The following TTC27 variants were observed in gnomAD, a reference collection of about 807,000 sequenced individuals.
TTC27 encodes tetratricopeptide repeat domain 27.
Under a neutral mutation model 115.9 loss-of-function variants are expected in TTC27, and 79 were observed. The ratio of observed to expected loss-of-function variants is 0.68; its 90% CI spans 0.57 to 0.82. The LOEUF (loss-of-function observed/expected upper bound fraction) is 0.82, where lower values mean the gene tolerates loss of function less well. Among genes scored for constraint, TTC27 ranks in the 40% least tolerant of loss-of-function variants. TTC27 has a pLI of 0.00. For missense variants in TTC27, 1,054 were observed against 993.1 expected (o/e 1.06, Z -0.82); for synonymous variants, 401 against 356.0 (o/e 1.13, Z -1.42).
chr2:32,790,923 T>C (rs1670513644), intron 16 of TTC27, among the ~76,000 whole-genome samples: 1 of 152,234 alleles, frequency 6.6e-6, no homozygotes, highest in South Asian at 2.1e-4. Flanking sequence ...GCTCAGTCCT[T>C]ACCTATTAGA....
intron 9 of TTC27, among the ~76,000 whole-genome samples, chr2:32,702,020 A>AAAAAAC (rs10685292): frequency 0.51 from 73,213 of 144,276 alleles, 18,669 homozygotes; most frequent in Non-Finnish European, 0.54. Context: ...CAAAAAAAAA[A>AAAAAAC]AAAAACAAAA....
intron 10 of TTC27, among the ~76,000 whole-genome samples, chr2:32,717,397 G>C (rs1428114561): frequency 2.0e-5 from 3 of 152,196 alleles, no homozygotes; most frequent in Admixed American, 2.0e-4. Flanking sequence ...AGGAAATGCA[G>C]TGCTCCGTGT....
chr2:32,776,028 A>G (rs1309144170), intron 13 of TTC27, among the ~76,000 whole-genome samples: 1 of 152,156 alleles, frequency 6.6e-6, no homozygotes. Flanking sequence ...TAGGTTGTTG[A>G]AAGTTCCATG....
At chr2:32,700,759 C>T (rs981586020) in intron 9 of TTC27, among the ~76,000 whole-genome samples, 3 of 152,060 alleles carry the variant, frequency 2.0e-5, no homozygotes, top group African/African-American at 7.2e-5. Context: ...AGGTTGGTCT[C>T]GAACTCCTGA....
intron 12 of TTC27, among the ~76,000 whole-genome samples, chr2:32,757,287 A>G (rs2147992349): frequency 6.6e-6 from 1 of 152,324 alleles, no homozygotes; most frequent in African/African-American, 2.4e-5. Flanking sequence ...AATGAAAGGT[A>G]CTGCTCTAAA....
chr2:32,708,285 G>T lies in TTC27; in HGVS notation c.1233+5365G>T, dbSNP rs182207487. ...ATTTTCTCTTTTTTTTCTTAATAGCGTTTTCTTTTCTCTACCTTGTTTTTT... is the reference window on the plus strand; with the variant it reads ...ATTTTCTCTTTTTTTTCTTAATAGCTTTTTCTTTTCTCTACCTTGTTTTTT... On this transcript the variant is annotated intron_variant, in intron 10 of 19. Transcript: ENST00000317907. Among the ~76,000 whole-genome samples, 584 of 105,558 alleles carry T rather than the reference G, an allele frequency of 5.5e-3. 6 individuals are homozygous for T. The highest frequency in any genetic ancestry group is 9.3e-3 in the Non-Finnish European group (460 of 49,702). 69.3% of individuals were successfully genotyped at this position (105,558 alleles called of 152,430 possible).
chr2:32,698,266 A>T (rs561124641), intron 9 of TTC27, among the ~76,000 whole-genome samples: 1 of 151,994 alleles, frequency 6.6e-6, no homozygotes, highest in African/African-American at 2.4e-5. Context: ...AGTAGTTGGA[A>T]CTACCTGCAC....
At chr2:32,646,584 G>A (rs1412562883) in intron 4 of TTC27, among the ~76,000 whole-genome samples, 3 of 110,098 alleles carry the variant, frequency 2.7e-5, no homozygotes, top group East Asian at 3.2e-4. Flanking sequence ...TTTGGAGACC[G>A]ACTCTCACTC....
intron 10 of TTC27, among the ~76,000 whole-genome samples, chr2:32,720,562 C>T (rs1337086150): frequency 6.6e-6 from 1 of 151,990 alleles, no homozygotes; most frequent in African/African-American, 2.4e-5. Context: ...ACACTGAGGT[C>T]AACATAGGGT....
intron 2 of TTC27, among the ~76,000 whole-genome samples, chr2:32,631,899 C>A (rs1664231278): frequency 6.6e-6 from 1 of 151,654 alleles, no homozygotes; most frequent in African/African-American, 2.4e-5. Context: ...CAACCTCCGC[C>A]TCCCAAGTTC....
intron 16 of TTC27, among the ~76,000 whole-genome samples, chr2:32,790,767 T>C (rs976561635): frequency 4.6e-5 from 7 of 151,892 alleles, no homozygotes; most frequent in Admixed American, 4.6e-4. Flanking sequence ...CCTTTCTGTA[T>C]AGTTTGTTAT....
intron 17 of TTC27, 111 bp downstream of exon 17, chr2:32,811,332 T>C: frequency 9.7e-7 from 1 of 1,029,268 alleles, no homozygotes. Flanking sequence ...ATAAGATTAG[T>C]ATGCTTAAGT....
At chr2:32,698,696 G>T (rs1269449802) in intron 9 of TTC27, among the ~76,000 whole-genome samples, 2 of 151,632 alleles carry the variant, frequency 1.3e-5, no homozygotes, top group African/African-American at 4.8e-5. Context: ...TAGCCAGGAT[G>T]GTCTCGATCT....
intron 12 of TTC27, among the ~76,000 whole-genome samples, chr2:32,743,704 T>G (rs1180109658): frequency 1.3e-5 from 2 of 152,204 alleles, no homozygotes; most frequent in Non-Finnish European, 1.5e-5. Flanking sequence ...TTTATAGTCC[T>G]AAGAAGAGTT....
chr2:32,653,709 G>A (rs899987897), intron 5 of TTC27, among the ~76,000 whole-genome samples: 1 of 151,902 alleles, frequency 6.6e-6, no homozygotes, highest in African/African-American at 2.4e-5. Context: ...TGTACTAAAT[G>A]TCATTGTCTG....
At chr2:32,756,161 C>T (rs79176184) in intron 12 of TTC27, among the ~76,000 whole-genome samples, 8,601 of 152,210 alleles carry the variant, frequency 0.057, 247 homozygotes, top group East Asian at 0.093. Flanking sequence ...CACTACAGTA[C>T]GCTGTAACTG....
chr2:32,679,980 C>T (rs936408009), intron 9 of TTC27, among the ~76,000 whole-genome samples: 1 of 152,066 alleles, frequency 6.6e-6, no homozygotes, highest in Non-Finnish European at 1.5e-5. Context: ...CAAGACTCCG[C>T]CTCAAACACA....
chr2:32,695,495 C>T (rs887987011), intron 9 of TTC27, among the ~76,000 whole-genome samples: 4 of 151,410 alleles, frequency 2.6e-5, no homozygotes, highest in African/African-American at 4.9e-5. Flanking sequence ...CCGAGGCGGG[C>T]AGATCACGAG....
intron 9 of TTC27, among the ~76,000 whole-genome samples, chr2:32,681,160 T>G (rs1178566728): frequency 2.0e-5 from 3 of 152,220 alleles, no homozygotes; most frequent in Non-Finnish European, 4.4e-5. Flanking sequence ...CTCACAGTGC[T>G]TGGCCTAACT....
Sources: gnomAD v4.1 joint callset for allele counts (sites outside exome capture counted in the v4.1 genomes callset) on GRCh38, gnomAD v4.1.1 for gene constraint, MANE v1.5 for transcripts, NCBI Gene and HGNC (gene_info 2026-07-23, HGNC 2026-07-21) for gene names.